The following CHSY3 variants were observed in gnomAD, a reference collection of about 807,000 sequenced individuals.
CHSY3 encodes N-acetylgalactosaminyl-proteoglycan 3-beta-glucuronosyltransferase 3.
A neutral mutation model predicts 67.2 loss-of-function variants in CHSY3; 35 were observed. That is an observed-to-expected ratio of 0.52 (90% CI 0.40 to 0.69). The LOEUF (loss-of-function observed/expected upper bound fraction) is 0.69. Among genes scored for constraint, CHSY3 ranks in the 30% least tolerant of loss-of-function variants. The pLI, the probability that CHSY3 is intolerant of heterozygous loss-of-function variation, is 0.00. For missense variants in CHSY3, 1,069 were observed against 1,138.5 expected, an observed-to-expected ratio of 0.94 and a Z score of 0.88; for synonymous variants, 474 against 434.7, an observed-to-expected ratio of 1.09 and a Z score of -1.12.
At position 130,159,960 on chromosome 5, in the gene CHSY3, A is replaced by C. The variant is rs949922457; in HGVS notation, c.1087-24269A>C. Among the ~76,000 whole-genome samples, 7 of 152,328 alleles carry C rather than the reference A, an allele frequency of 4.6e-5. No individual in the cohort carries two copies. The East Asian group carries it at 1.4e-3, about 29-fold the overall frequency. ...TAGCATTTTTTTTTGAAGAAAATCA[A>C]AGGCAACACAGTGGTTTGAATGGAG... On this transcript the variant is annotated intron_variant, in intron 2 of 2. Coordinates refer to ENST00000305031, the MANE Select transcript of CHSY3 (RefSeq NM_175856.5).
intron 2 of CHSY3, among the ~76,000 whole-genome samples, chr5:129,960,054 G>T (rs535496197): frequency 6.6e-6 from 1 of 152,222 alleles, no homozygotes; most frequent in South Asian, 2.1e-4. Flanking sequence ...AATGAAGTTA[G>T]AAGGCTTTTC....
chr5:130,076,884 G>A (rs1257803844), intron 2 of CHSY3, among the ~76,000 whole-genome samples: 1 of 149,980 alleles, frequency 6.7e-6, no homozygotes, highest in East Asian at 2.0e-4. Flanking sequence ...ACTCATAGGT[G>A]GGAATTGAAC....
chr5:130,182,216 T>C (rs1372419025), intron 2 of CHSY3, among the ~76,000 whole-genome samples: 1 of 152,126 alleles, frequency 6.6e-6, no homozygotes, highest in African/African-American at 2.4e-5. Flanking sequence ...TATCCCATAG[T>C]AATTTTAAGT....
intron 2 of CHSY3, among the ~76,000 whole-genome samples, chr5:129,949,002 C>G (rs1761946096): frequency 1.3e-5 from 2 of 152,158 alleles, no homozygotes; most frequent in South Asian, 2.1e-4. Context: ...TTCTCCCACT[C>G]TATGGGTTGT....
At chr5:130,074,068 T>C (rs1330156881) in intron 2 of CHSY3, among the ~76,000 whole-genome samples, 1 of 148,606 alleles carries the variant, frequency 6.7e-6, no homozygotes, top group African/African-American at 2.6e-5. Context: ...CAAGTTATTT[T>C]TTTGTTTTTT....
intron 2 of CHSY3, among the ~76,000 whole-genome samples, chr5:130,113,853 G>A (rs966344477): frequency 1.3e-5 from 2 of 152,062 alleles, no homozygotes; most frequent in African/African-American, 4.8e-5. Context: ...CAAACCAGGC[G>A]ACTGCTAAAA....
chr5:130,116,539 CT>C (rs1356519275), intron 2 of CHSY3, among the ~76,000 whole-genome samples: 1 of 152,062 alleles, frequency 6.6e-6, no homozygotes, highest in Non-Finnish European at 1.5e-5. Context: ...TTGGCACTCA[CT>C]TTTCTTTATT....
At chr5:129,949,469 C>A (rs567609092) in intron 2 of CHSY3, among the ~76,000 whole-genome samples, 1 of 151,978 alleles carries the variant, frequency 6.6e-6, no homozygotes. Flanking sequence ...AGTCTCCTAA[C>A]CAAGAAAAGA....
At chr5:130,014,278 T>C (rs1216289520) in intron 2 of CHSY3, among the ~76,000 whole-genome samples, 1 of 152,210 alleles carries the variant, frequency 6.6e-6, no homozygotes. Flanking sequence ...TTCCACATTT[T>C]CAGGTATCTT....
At chr5:130,051,451 T>C (rs1765354852) in intron 2 of CHSY3, among the ~76,000 whole-genome samples, 1 of 152,056 alleles carries the variant, frequency 6.6e-6, no homozygotes, top group African/African-American at 2.4e-5. Flanking sequence ...TTAGACACAG[T>C]GGGCCTGCAG....
intron 2 of CHSY3, among the ~76,000 whole-genome samples, chr5:130,032,743 G>A (rs1488342650): frequency 1.3e-5 from 2 of 152,026 alleles, no homozygotes; most frequent in Non-Finnish European, 2.9e-5. Flanking sequence ...GTATGCTTTG[G>A]GATAAACCTA....
At chr5:130,141,816 A>C in intron 2 of CHSY3, 1 of 383,798 alleles carries the variant, frequency 2.6e-6, no homozygotes, top group African/African-American at 2.1e-5. Context: ...ATCTGGAGAA[A>C]GTCTGCAACC....
At chr5:130,068,477 A>G (rs905289594) in intron 2 of CHSY3, among the ~76,000 whole-genome samples, 1 of 152,134 alleles carries the variant, frequency 6.6e-6, no homozygotes, top group African/African-American at 2.4e-5. Flanking sequence ...AAGAACAACA[A>G]CAACAACAAA....
chr5:130,118,499 GTGTA>G (rs1767897718), intron 2 of CHSY3, among the ~76,000 whole-genome samples: 3 of 148,884 alleles, frequency 2.0e-5, no homozygotes, highest in Non-Finnish European at 3.0e-5. Flanking sequence ...ATGTGTGTGT[GTGTA>G]TATATATATA....
At chr5:130,157,069 A>G (rs1014039563) in intron 2 of CHSY3, among the ~76,000 whole-genome samples, 2 of 152,204 alleles carry the variant, frequency 1.3e-5, no homozygotes, top group African/African-American at 2.4e-5. Context: ...CCAAATGTGC[A>G]CATGTTGAGG....
chr5:129,905,761 G>C, intron 1 of CHSY3, 130 bp downstream of exon 1: 1 of 1,490,952 alleles, frequency 6.7e-7, no homozygotes, highest in South Asian at 1.3e-5. Context: ...CACAGGCCCT[G>C]GCCCGCCCTC....
chr5:130,063,229 T>G (rs1765768953), intron 2 of CHSY3, among the ~76,000 whole-genome samples: 2 of 152,102 alleles, frequency 1.3e-5, no homozygotes, highest in Admixed American at 1.3e-4. Context: ...GGTATTTGAT[T>G]TTGGGGGTGG....
rs114287524 is a variant in CHSY3 at position 130,009,164 on chromosome 5, G to A, written c.1086+100804G>A. On this transcript the variant is annotated intron_variant, in intron 2 of 2. Transcript: ENST00000305031. Reference sequence around the variant, plus strand: ...ACCATCCCCAAAACACATCATCGTCGTATTCTTCAAGGACAATACATGCAA... The same window carrying A: ...ACCATCCCCAAAACACATCATCGTCATATTCTTCAAGGACAATACATGCAA... Among the ~76,000 whole-genome samples, 796 of 152,178 alleles carry A rather than the reference G, an allele frequency of 5.2e-3. 7 individuals are homozygous for A. Among genetic ancestry groups the A allele is most frequent in the African/African-American group, 0.018 (751 of 41,526 alleles).
chr5:130,161,151 G>A (rs1176469091), intron 2 of CHSY3, among the ~76,000 whole-genome samples: 7 of 152,040 alleles, frequency 4.6e-5, no homozygotes, highest in African/African-American at 1.4e-4. Context: ...TGATCCACCC[G>A]CCTCTGCTTC....
Sources: allele counts gnomAD v4.1 joint callset (sites outside exome capture counted in the v4.1 genomes callset), GRCh38; gene constraint gnomAD v4.1.1; transcripts MANE v1.5; gene names NCBI Gene and HGNC (gene_info 2026-07-23, HGNC 2026-07-21).